The following PCDHGA9 variants were observed in gnomAD, a reference collection of about 807,000 sequenced individuals.
PCDHGA9 encodes protocadherin gamma subfamily A, 9, also known as protocadherin gamma-A9.
PCDHGA9 carries 37 observed loss-of-function variants against 62.5 expected under a neutral mutation model. The ratio of observed to expected loss-of-function variants is 0.59; its 90% CI spans 0.46 to 0.78. The LOEUF (loss-of-function observed/expected upper bound fraction) is 0.78, where lower values mean the gene tolerates loss of function less well. PCDHGA9 is among the 30% of genes least tolerant of loss of function. The pLI is 0.00. For synonymous variants in PCDHGA9, 459 were observed against 484.6 expected (o/e 0.95, Z 0.69); for missense variants, 1,138 against 1,166.2 (o/e 0.98, Z 0.35).
At chr5:141,480,982 C>T (rs1258067957) in intron 1 of PCDHGA9, among the ~76,000 whole-genome samples, 1 of 152,150 alleles carries the variant, frequency 6.6e-6, no homozygotes, top group African/African-American at 2.4e-5. Context: ...TCAGTGAACC[C>T]AGGATGTGGA....
rs777537045 is a variant in PCDHGA9 at position 141,490,191 on chromosome 5, A to T, written c.2425-4616A>T. The T allele has an allele frequency of 6.2e-7, 1 of 1,614,176 alleles. No homozygotes were observed. The highest frequency in any genetic ancestry group is 1.1e-5 in the South Asian group (1 of 91,082). On this transcript the variant is annotated intron_variant, in intron 1 of 3. Coordinates refer to ENST00000573521, the MANE Select transcript of PCDHGA9 (RefSeq NM_018921.3). The surrounding 1 kb of genome is among the most constrained non-coding windows in gnomAD (Gnocchi z 5.4). ...ACTTTGAGGAGTCACGTTTCTATGA[A>T]ATTCATGCAAGAGCCCGTGACCAGG...
chr5:141,460,783 T>G (rs1000959104), intron 1 of PCDHGA9, among the ~76,000 whole-genome samples: 1 of 152,030 alleles, frequency 6.6e-6, no homozygotes, highest in Non-Finnish European at 1.5e-5. Flanking sequence ...TGTATACATA[T>G]ATACACACAA....
chr5:141,413,054 A>G (rs2095600698), intron 1 of PCDHGA9: 1 of 981,614 alleles, frequency 1.0e-6, no homozygotes, highest in African/African-American at 1.6e-5. Flanking sequence ...AGGGAAGCTC[A>G]CTCCAGAATT....
intron 1 of PCDHGA9, chr5:141,479,186 T>C (rs956575218): frequency 3.3e-5 from 5 of 152,590 alleles, no homozygotes; most frequent in Admixed American, 3.3e-4. Flanking sequence ...GCTAGAAAAT[T>C]CAGAAAATAC....
In PCDHGA9 at chr5:141,488,647, T is replaced by TG. The variant is rs535492979; in HGVS notation, c.2425-6155dup. ...CTCACCTTAGCAGCATTCAGCAGGA[T>TG]GGGGGAGGGTGGGGGAATACATGGG... On this transcript the variant is annotated intron_variant, in intron 1 of 3. Transcript: ENST00000573521. Among the ~76,000 whole-genome samples, 173 of 152,088 alleles carry TG rather than the reference T, an allele frequency of 1.1e-3. 1 individual carries two copies. Among genetic ancestry groups the TG allele is most frequent in the African/African-American group, 3.9e-3 (160 of 41,492 alleles).
intron 1 of PCDHGA9, chr5:141,430,984 C>A (rs765063685): frequency 6.2e-7 from 1 of 1,613,648 alleles, no homozygotes; most frequent in South Asian, 1.1e-5. Flanking sequence ...CGCAGCTTTT[C>A]GCCCTGAATC....
At position 141,476,396 on chromosome 5, in the gene PCDHGA9, C is replaced by A; in HGVS notation, c.2425-18411C>A. The A allele has an allele frequency of 6.2e-7, 1 of 1,614,032 alleles. No homozygotes were observed. Among genetic ancestry groups the A allele is most frequent in the Non-Finnish European group, 8.5e-7 (1 of 1,180,020 alleles). Reference sequence around the variant, plus strand: ...GATGTTTGTGAACGACCGTCTGGATCGAGAGGAGCTGTGTGGGACACTGCC... The same window carrying A: ...GATGTTTGTGAACGACCGTCTGGATAGAGAGGAGCTGTGTGGGACACTGCC... On this transcript the variant is annotated intron_variant, in intron 1 of 3. Transcript: ENST00000573521. The surrounding 1 kb of genome is among the most constrained non-coding windows in gnomAD (Gnocchi z 7.6).
rs2096315825 is a variant in PCDHGA9 at position 141,419,028 on chromosome 5, T to C, written c.2424+13652T>C. On this transcript the variant is annotated intron_variant, in intron 1 of 3. Coordinates refer to ENST00000573521, the MANE Select transcript of PCDHGA9 (RefSeq NM_018921.3). ...GTCAGGTGTAGCTTAAGTAGAGGTG[T>C]TCCATTTAAGATTCATTCTTCTTCT... 5.0e-6 allele frequency: 8 copies of C among 1,613,638 alleles called. No individual in the cohort carries two copies. The South Asian group carries it at 8.8e-5, about 18-fold the overall frequency.
In PCDHGA9 at chr5:141,403,199, A is replaced by AC. The variant is rs1480420470; in HGVS notation, c.249dup (p.Val85GlyfsTer5). The AC allele has an allele frequency of 6.2e-7, 1 of 1,613,812 alleles. No individual in the cohort carries two copies. The highest frequency in any genetic ancestry group is 1.3e-5 in the African/African-American group (1 of 74,930). On this transcript the variant is annotated frameshift_variant, in exon 1 of 4. Coordinates refer to ENST00000573521, the MANE Select transcript of PCDHGA9 (RefSeq NM_018921.3). LOFTEE classifies it high-confidence loss of function. ...TTTCTCTCTGAACCCGCGCAGCGGC[A>AC]CCTTGGTCACCGCGGGTAGGATAGA...
chr5:141,486,140 C>T lies in PCDHGA9; in HGVS notation c.2425-8667C>T, dbSNP rs759476505. On this transcript the variant is annotated intron_variant, in intron 1 of 3. Coordinates refer to ENST00000573521, the MANE Select transcript of PCDHGA9 (RefSeq NM_018921.3). The surrounding 1 kb of genome is among the most constrained non-coding windows in gnomAD (Gnocchi z 5.0). ...TTACTATGAATTTGATGTGCGGGCT[C>T]GCGATGGGGGTTCTCCAGCCATGGA... 1 of 1,614,164 alleles carries T rather than the reference C, an allele frequency of 6.2e-7. No individual in the cohort carries two copies. The highest frequency in any genetic ancestry group is 1.3e-5 in the African/African-American group (1 of 75,030).
At chr5:141,429,814 T>C (rs554065871) in intron 1 of PCDHGA9, among the ~76,000 whole-genome samples, 3 of 152,322 alleles carry the variant, frequency 2.0e-5, no homozygotes, top group African/African-American at 7.2e-5. Flanking sequence ...TAATTACAAT[T>C]AGGTCAGTTA....
chr5:141,469,974 T>C (rs1456176152), intron 1 of PCDHGA9, among the ~76,000 whole-genome samples: 1 of 151,864 alleles, frequency 6.6e-6, no homozygotes, highest in African/African-American at 2.4e-5. Context: ...GTACCAAAAA[T>C]ACAAAAATTA....
In PCDHGA9 at chr5:141,423,718, A is replaced by G. The variant is rs1450410707; in HGVS notation, c.2424+18342A>G. The G allele has an allele frequency of 4.8e-6, 5 of 1,049,028 alleles. No homozygotes were observed. In the East Asian group the frequency reaches 2.9e-4, roughly 60 times the overall value. 65.0% of individuals were successfully genotyped at this position (1,049,028 alleles called of 1,614,324 possible). On this transcript the variant is annotated intron_variant, in intron 1 of 3. Coordinates refer to ENST00000573521, the MANE Select transcript of PCDHGA9 (RefSeq NM_018921.3). The stretch of plus-strand genomic sequence containing the variant: ...GTGTCTTGGCACAAGTCTTTTAAGG[A>G]GATGTTTTTTGAGCCTGTTATGAAA...
In PCDHGA9 at chr5:141,477,813, A is replaced by T; in HGVS notation, c.2425-16994A>T. ...ACTGATCGCAATGACAATGCCCCCC[A>T]GGTCCTATATCCTCGGCCAGGTGGG... On this transcript the variant is annotated intron_variant, in intron 1 of 3. Coordinates refer to ENST00000573521, the MANE Select transcript of PCDHGA9 (RefSeq NM_018921.3). The surrounding 1 kb of genome is among the most constrained non-coding windows in gnomAD (Gnocchi z 4.9). The T allele has an allele frequency of 6.2e-7, 1 of 1,614,122 alleles. No homozygotes were observed. The highest frequency in any genetic ancestry group is 1.1e-5 in the South Asian group (1 of 91,084).
At chr5:141,430,612 G>A (rs1406353008) in intron 1 of PCDHGA9, 2 of 680,678 alleles carry the variant, frequency 2.9e-6, no homozygotes, top group African/African-American at 3.7e-5. Flanking sequence ...GCACAAAGCA[G>A]ATAGCTAGGA....
At chr5:141,418,572 A>G (rs777784393) in intron 1 of PCDHGA9, 5 of 1,613,794 alleles carry the variant, frequency 3.1e-6, no homozygotes, top group Non-Finnish European at 4.2e-6. Flanking sequence ...GCCAATGACA[A>G]CCCCCCAGTG....
intron 1 of PCDHGA9, chr5:141,414,797 G>A: frequency 6.2e-7 from 1 of 1,614,230 alleles, no homozygotes. Context: ...GCCAGCGACA[G>A]CGGGGATCCT....
At chr5:141,478,904 T>G in intron 1 of PCDHGA9, 1 of 958,800 alleles carries the variant, frequency 1.0e-6, no homozygotes, top group Non-Finnish European at 1.5e-6. Context: ...AGGAATAAGC[T>G]GCTGGATACC....
At chr5:141,471,217 T>G (rs2099252724) in intron 1 of PCDHGA9, 1 of 151,568 alleles carries the variant, frequency 6.6e-6, no homozygotes, top group South Asian at 2.1e-4. Context: ...GCCTGGCAAT[T>G]TTTTTGTATT....
Sources: gnomAD v4.1 joint callset for allele counts (sites outside exome capture counted in the v4.1 genomes callset) on GRCh38, gnomAD v4.1.1 for gene constraint, Gnocchi (gnomAD v3.1) non-coding constraint, MANE v1.5 for transcripts, NCBI Gene and HGNC (gene_info 2026-07-23, HGNC 2026-07-21) for gene names.